RPH3A: variants seen among roughly 807,000 people sequenced by gnomAD.
RPH3A encodes the protein rabphilin 3A.
Under a neutral mutation model 102.2 loss-of-function variants are expected in RPH3A, and 48 were observed. The ratio of observed to expected loss-of-function variants is 0.47; its 90% CI spans 0.37 to 0.60. RPH3A has a LOEUF of 0.60. RPH3A is among the 20% of genes least tolerant of loss of function. RPH3A has a pLI of 0.00. For synonymous variants in RPH3A, 310 were observed against 324.3 expected (o/e 0.96, Z 0.47); for missense variants, 781 against 910.1 (o/e 0.86, Z 1.83).
In RPH3A at chr12:112,782,535, C is replaced by A. The variant is rs149249021; in HGVS notation, c.-139-9608C>A. 2.0e-5 allele frequency among the ~76,000 whole-genome samples: 3 copies of A among 152,318 alleles called. No individual in the cohort carries two copies. The East Asian group carries it at 5.8e-4, about 29-fold the overall frequency. On this transcript the variant is annotated intron_variant, in intron 1 of 21. Transcript: ENST00000543106. Reference sequence around the variant, plus strand: ...GTCTTTCTGTATTCTTAGCACCTGGCATAAATCAGTCCTCAGCATATGCTT... The same window carrying A: ...GTCTTTCTGTATTCTTAGCACCTGGAATAAATCAGTCCTCAGCATATGCTT...
chr12:112,825,808 A>G (rs751274487), intron 2 of RPH3A, among the ~76,000 whole-genome samples: 2 of 152,194 alleles, frequency 1.3e-5, no homozygotes, highest in Non-Finnish European at 2.9e-5. Flanking sequence ...AACAACTTAT[A>G]TTAAATTGGG....
At chr12:112,813,662 G>T (rs1333269942) in intron 2 of RPH3A, among the ~76,000 whole-genome samples, 1 of 152,126 alleles carries the variant, frequency 6.6e-6, no homozygotes, top group African/African-American at 2.4e-5. Context: ...CCTAGTGAGG[G>T]TTTTGCCTGA....
chr12:112,710,999 T>C (rs183231136), intron 1 of RPH3A, among the ~76,000 whole-genome samples: 1 of 152,070 alleles, frequency 6.6e-6, no homozygotes, highest in African/African-American at 2.4e-5. Flanking sequence ...TAGAATGTTA[T>C]CTCCAGTTCA....
chr12:112,640,767 T>C (rs189466363), intron 1 of RPH3A, among the ~76,000 whole-genome samples: 15 of 151,644 alleles, frequency 9.9e-5, no homozygotes, highest in South Asian at 4.2e-4. Flanking sequence ...AGTGGAGGAG[T>C]GTGAAGAATG....
At chr12:112,892,996 C>T (rs1198467846) in intron 19 of RPH3A, 3 of 152,194 alleles carry the variant, frequency 2.0e-5, no homozygotes, top group Admixed American at 1.3e-4. Flanking sequence ...TTTATTTCCT[C>T]GTATGACCCA....
chr12:112,858,299 AGAAAAG>A (rs2042446971), intron 5 of RPH3A, among the ~76,000 whole-genome samples: 1 of 148,376 alleles, frequency 6.7e-6, no homozygotes. Flanking sequence ...AAAAAAGAAA[AGAAAAG>A]AAAAAGAAAA....
chr12:112,657,466 G>A (rs1229203047), intron 1 of RPH3A, among the ~76,000 whole-genome samples: 1 of 152,070 alleles, frequency 6.6e-6, no homozygotes, highest in Non-Finnish European at 1.5e-5. Flanking sequence ...ATTATGTACT[G>A]TACAGAATTG....
intron 1 of RPH3A, among the ~76,000 whole-genome samples, chr12:112,634,237 A>C (rs2039829876): frequency 1.8e-5 from 1 of 55,700 alleles, no homozygotes; most frequent in South Asian, 4.3e-4. Flanking sequence ...AGTCCCAGCT[A>C]CTTGGGAGGC....
In RPH3A at chr12:112,821,082, G is replaced by T. The variant is rs143911615; in HGVS notation, c.-18-7219G>T. Among the ~76,000 whole-genome samples, 148 of 152,288 alleles carry T rather than the reference G, an allele frequency of 9.7e-4. 1 individual carries two copies. Among genetic ancestry groups the T allele is most frequent in the African/African-American group, 3.2e-3 (135 of 41,550 alleles). ...GGAAAAGCCAACAGCAGCCTGTACCGTCTGGACGGGACTGGATGTGTAAGG... is the reference window on the plus strand; with the variant it reads ...GGAAAAGCCAACAGCAGCCTGTACCTTCTGGACGGGACTGGATGTGTAAGG... On this transcript the variant is annotated intron_variant, in intron 2 of 21. Coordinates refer to ENST00000389385, the MANE Select transcript of RPH3A (RefSeq NM_001143854.2).
chr12:112,895,590 A>T, intron 20 of RPH3A, 187 bp from the exon 21 acceptor site: 1 of 550,250 alleles, frequency 1.8e-6, no homozygotes, highest in Non-Finnish European at 3.3e-6. Context: ...TTTGTTACAC[A>T]GAGTGTTTGT....
chr12:112,807,116 A>T (rs2041484032), intron 2 of RPH3A, among the ~76,000 whole-genome samples: 1 of 152,008 alleles, frequency 6.6e-6, no homozygotes, highest in South Asian at 2.1e-4. Flanking sequence ...CCATGCAATC[A>T]AGACAAATCA....
At chr12:112,756,563 T>C (rs2136064128) in intron 1 of RPH3A, among the ~76,000 whole-genome samples, 1 of 152,334 alleles carries the variant, frequency 6.6e-6, no homozygotes, top group African/African-American at 2.4e-5. Flanking sequence ...CTCTACACCA[T>C]AAATATGTAC....
intron 1 of RPH3A, among the ~76,000 whole-genome samples, chr12:112,645,116 G>GT (rs1157425087): frequency 6.6e-6 from 1 of 152,094 alleles, no homozygotes; most frequent in Non-Finnish European, 1.5e-5. Context: ...GAGAGATACC[G>GT]TGAGAGTTGT....
chr12:112,857,847 C>G (rs2042435107), intron 5 of RPH3A, among the ~76,000 whole-genome samples: 1 of 151,856 alleles, frequency 6.6e-6, no homozygotes, highest in Non-Finnish European at 1.5e-5. Flanking sequence ...TTTCAAAAGA[C>G]TTGCTCAGCT....
At chr12:112,579,654 TA>T (rs995253596) in intron 1 of RPH3A, among the ~76,000 whole-genome samples, 1 of 152,230 alleles carries the variant, frequency 6.6e-6, no homozygotes, top group Non-Finnish European at 1.5e-5. Context: ...AATAAAATAT[TA>T]GTTTCTGTTC....
Position 112,868,463 on chromosome 12 carries a change from G to A in RPH3A, c.478G>A (p.Gly160Ser). Residue 160 changes from glycine to serine, a missense_variant, in exon 8 of 22, where the codon GGC becomes AGC. Gly to Ser is a moderately conservative substitution (Grantham distance 56). Coordinates refer to ENST00000389385, the MANE Select transcript of RPH3A (RefSeq NM_001143854.2). ...WKRSGAWFFK[G>S]FPKQVLPQPM... ...GCGTTCTGGAGCGTGGTTCTTCAAAGGCTTCCCCAAACAGGTCCTCCCACA... is the reference window on the plus strand; with the variant it reads ...GCGTTCTGGAGCGTGGTTCTTCAAAAGCTTCCCCAAACAGGTCCTCCCACA... The A allele has an allele frequency of 6.2e-7, 1 of 1,614,148 alleles. No homozygotes were observed. Among genetic ancestry groups the A allele is most frequent in the Non-Finnish European group, 8.5e-7 (1 of 1,180,014 alleles).
chr12:112,867,458 G>T (rs995703692), intron 7 of RPH3A, among the ~76,000 whole-genome samples: 2 of 152,102 alleles, frequency 1.3e-5, no homozygotes. Flanking sequence ...CTCAGTTTCT[G>T]TCAGGGGCCT....
chr12:112,852,762 A>C (rs1463421303), intron 5 of RPH3A, among the ~76,000 whole-genome samples: 15 of 152,210 alleles, frequency 9.9e-5, no homozygotes, highest in Non-Finnish European at 2.9e-5. Context: ...CAGGACTTTT[A>C]GAATGTATTA....
chr12:112,876,108 CAT>C (rs2136236607), intron 12 of RPH3A, among the ~76,000 whole-genome samples: 1 of 152,254 alleles, frequency 6.6e-6, no homozygotes, highest in African/African-American at 2.4e-5. Context: ...CAAACTAACA[CAT>C]AGAAAACCTT....
Sources: gnomAD v4.1 joint callset for allele counts (sites outside exome capture counted in the v4.1 genomes callset) on GRCh38, gnomAD v4.1.1 for gene constraint, MANE v1.5 for transcripts, NCBI Gene and HGNC (gene_info 2026-07-23, HGNC 2026-07-21) for gene names.